Variants in FHAD1 observed in about 807,000 individuals in gnomAD.
FHAD1 encodes the protein forkhead-associated domain-containing protein 1.
In FHAD1, 146 loss-of-function variants were observed where a neutral mutation model predicts 191.3. The ratio of observed to expected loss-of-function variants is 0.76; its 90% CI spans 0.67 to 0.88. FHAD1 has a LOEUF of 0.88. Ranked by LOEUF, FHAD1 falls within the 40% of genes least tolerant of loss-of-function variation. The pLI is 0.00. For synonymous variants in FHAD1, 616 were observed against 672.3 expected, an observed-to-expected ratio of 0.92 and a Z score of 1.29; for missense variants, 1,635 against 1,785.8, an observed-to-expected ratio of 0.92 and a Z score of 1.52.
chr1:15,332,243 A>G (rs993981331), intron 14 of FHAD1, among the ~76,000 whole-genome samples: 2 of 152,222 alleles, frequency 1.3e-5, no homozygotes, highest in Non-Finnish European at 2.9e-5. Flanking sequence ...AAGGTAAAAC[A>G]TGGAGCAGAG....
chr1:15,383,415 T>G, intron 31 of FHAD1: 2 of 376,916 alleles, frequency 5.3e-6, no homozygotes, highest in Non-Finnish European at 1.1e-5. Context: ...GAGTCCTGCC[T>G]CAGACCCGGT....
intron 2 of FHAD1, among the ~76,000 whole-genome samples, chr1:15,265,189 T>A (rs1053946334): frequency 2.0e-5 from 3 of 152,232 alleles, no homozygotes; most frequent in African/African-American, 7.2e-5. Flanking sequence ...CTTCGCCTTT[T>A]GAGTCTCAGC....
chr1:15,265,479 T>C (rs1438211747), intron 2 of FHAD1, among the ~76,000 whole-genome samples: 1 of 152,164 alleles, frequency 6.6e-6, no homozygotes, highest in Non-Finnish European at 1.5e-5. Flanking sequence ...GGAGTGGTAT[T>C]ATCAGGCAGT....
At chr1:15,263,468 C>A (rs1349454354) in intron 2 of FHAD1, among the ~76,000 whole-genome samples, 1 of 137,472 alleles carries the variant, frequency 7.3e-6, no homozygotes, top group African/African-American at 2.6e-5. Flanking sequence ...CCATTTTGAA[C>A]TAATTTTTGT....
At chr1:15,295,955 T>C (rs1285292540) in intron 4 of FHAD1, among the ~76,000 whole-genome samples, 1 of 152,256 alleles carries the variant, frequency 6.6e-6, no homozygotes, top group African/African-American at 2.4e-5. Flanking sequence ...GTCCCTGCTC[T>C]ACCTAACGTT....
intron 14 of FHAD1, chr1:15,334,561 C>T (rs571031844): frequency 1.7e-4 from 26 of 152,382 alleles, no homozygotes; most frequent in African/African-American, 6.3e-4. Context: ...GTGGCTGCGC[C>T]TCCATTTACT....
Position 15,289,316 on chromosome 1 carries a change from G to A in FHAD1, c.301-83G>A. Reference sequence around the variant, plus strand: ...AGTGACTCATAAACCAAGACCTTGGGCAGCAATGCTGTGGCTGGGACAAAG... The same window carrying A: ...AGTGACTCATAAACCAAGACCTTGGACAGCAATGCTGTGGCTGGGACAAAG... On this transcript the variant is annotated intron_variant, in intron 3 of 33. Coordinates refer to ENST00000688493, the MANE Select transcript of FHAD1 (RefSeq NM_001391957.1). This position sits in a 1 kb window ranked among gnomAD's most constrained non-coding sequence, Gnocchi z 4.2. 1 of 1,484,738 alleles carries A rather than the reference G, an allele frequency of 6.7e-7. No individual in the cohort carries two copies. The highest frequency in any genetic ancestry group is 9.0e-7 in the Non-Finnish European group (1 of 1,109,750). 92.0% of individuals were successfully genotyped at this position (1,484,738 alleles called of 1,614,324 possible).
At chr1:15,362,857 C>G in intron 23 of FHAD1, 131 bp downstream of exon 23, 1 of 691,702 alleles carries the variant, frequency 1.4e-6, no homozygotes, top group Non-Finnish European at 2.5e-6. Context: ...TGCTGCCTTC[C>G]CAGTGCTGCT....
chr1:15,310,451 C>T (rs530947218), intron 7 of FHAD1, among the ~76,000 whole-genome samples: 126 of 152,170 alleles, frequency 8.3e-4, no homozygotes, highest in Non-Finnish European at 1.2e-3. Context: ...TCCTCCCCAG[C>T]GTCTGTCCAT....
intron 10 of FHAD1, among the ~76,000 whole-genome samples, chr1:15,322,924 G>A (rs975382135): frequency 3.3e-5 from 5 of 152,190 alleles, no homozygotes; most frequent in African/African-American, 1.2e-4. Flanking sequence ...ACATGGCTAG[G>A]GAGGCCTCAG....
At chr1:15,331,479 G>C (rs1681409323) in intron 14 of FHAD1, among the ~76,000 whole-genome samples, 1 of 123,340 alleles carries the variant, frequency 8.1e-6, no homozygotes, top group Non-Finnish European at 1.7e-5. Flanking sequence ...TGGGTGGGTG[G>C]GTGGATTGAT....
intron 2 of FHAD1, among the ~76,000 whole-genome samples, chr1:15,257,891 G>A (rs1218516833): frequency 6.6e-6 from 1 of 152,192 alleles, no homozygotes; most frequent in African/African-American, 2.4e-5. Context: ...ACCCAGGCTG[G>A]AGTGCGGTGG....
intron 6 of FHAD1, among the ~76,000 whole-genome samples, chr1:15,307,918 G>A (rs1235672419): frequency 6.6e-6 from 1 of 152,090 alleles, no homozygotes; most frequent in Non-Finnish European, 1.5e-5. Flanking sequence ...TTTTAGTAGA[G>A]ACAGGGTTTC....
At chr1:15,278,820 C>T (rs1659459754) in intron 3 of FHAD1, among the ~76,000 whole-genome samples, 1 of 152,108 alleles carries the variant, frequency 6.6e-6, no homozygotes, top group African/African-American at 2.4e-5. Flanking sequence ...CATGTATATG[C>T]ATTTGCATAT....
chr1:15,246,479 A>G (rs1354435493), upstream of FHAD1, among the ~76,000 whole-genome samples: 3 of 81,506 alleles, frequency 3.7e-5, no homozygotes, highest in African/African-American at 6.6e-5. Context: ...TTCCTGCTGG[A>G]GATAGTGGCG....
At chr1:15,338,850 G>C (rs925489016) in intron 14 of FHAD1, among the ~76,000 whole-genome samples, 3 of 151,978 alleles carry the variant, frequency 2.0e-5, no homozygotes, top group African/African-American at 7.3e-5. Flanking sequence ...TTGTCTTTCG[G>C]ACTGAACTGT....
chr1:15,269,005 G>C lies in FHAD1; in HGVS notation c.94-3318G>C, dbSNP rs531211881. Among the ~76,000 whole-genome samples the C allele has an allele frequency of 7.9e-5, 12 of 151,868 alleles. No individual in the cohort carries two copies. In the South Asian group the frequency reaches 1.0e-3, roughly 13 times the overall value. On this transcript the variant is annotated intron_variant, in intron 2 of 33. Transcript: ENST00000688493. ...ATATTCCATAATAAATATATCCATGGGATCAGCTGTGATGGCCTCTCTTTC... is the reference window on the plus strand; with the variant it reads ...ATATTCCATAATAAATATATCCATGCGATCAGCTGTGATGGCCTCTCTTTC...
chr1:15,304,583 TA>T (rs898515310), intron 6 of FHAD1, among the ~76,000 whole-genome samples: 9 of 151,836 alleles, frequency 5.9e-5, no homozygotes, highest in East Asian at 1.9e-4. Flanking sequence ...GTAACTTTTT[TA>T]AAAAAAAATT....
chr1:15,264,271 G>T (rs1652456975), intron 2 of FHAD1, among the ~76,000 whole-genome samples: 1 of 152,106 alleles, frequency 6.6e-6, no homozygotes, highest in South Asian at 2.1e-4. Flanking sequence ...CTTGAACATG[G>T]GTTGTCTTTC....
Sources: gnomAD v4.1 joint callset for allele counts (sites outside exome capture counted in the v4.1 genomes callset) on GRCh38, gnomAD v4.1.1 for gene constraint, Gnocchi (gnomAD v3.1) non-coding constraint, MANE v1.5 for transcripts, NCBI Gene and HGNC (gene_info 2026-07-23, HGNC 2026-07-21) for gene names.